SCMH1: variants seen among roughly 807,000 people sequenced by gnomAD.
SCMH1 encodes the protein polycomb protein SCMH1.
A neutral mutation model predicts 70.8 loss-of-function variants in SCMH1; 37 were observed. That is an observed-to-expected ratio of 0.52 (90% CI 0.40 to 0.69). The LOEUF is 0.69. SCMH1 is among the 30% of genes least tolerant of loss of function. The probability of loss-of-function intolerance (pLI) is 0.00; values close to 1 mark genes in which losing one functional copy is unlikely to be tolerated. For missense variants in SCMH1, 607 were observed against 827.3 expected (o/e 0.73, Z 3.27); for synonymous variants, 292 against 307.4 (o/e 0.95, Z 0.52).
intron 6 of SCMH1, among the ~76,000 whole-genome samples, chr1:41,118,173 C>T (rs887537776): frequency 5.3e-5 from 8 of 152,130 alleles, no homozygotes; most frequent in African/African-American, 1.9e-4. Context: ...AAAGGAGAAA[C>T]ACCTCATTAG....
chr1:41,083,258 A>G (rs1660598053), intron 8 of SCMH1, among the ~76,000 whole-genome samples: 2 of 152,240 alleles, frequency 1.3e-5, no homozygotes, highest in African/African-American at 2.4e-5. Flanking sequence ...CCTTAAGCTG[A>G]TAAGCAACTT....
rs1240281456 is a variant in SCMH1 at position 41,228,880 on chromosome 1, A to T, written c.-118+13179T>A. On this transcript the variant is annotated intron_variant, in intron 1 of 14. Transcript: ENST00000337495. ...GAGCAGTTGTAGGCAAAGTGTTCAG[A>T]TGCAACTGCAGTAATTCAGAAGAGA... 2.0e-5 allele frequency among the ~76,000 whole-genome samples: 3 copies of T among 152,242 alleles called. 1 individual carries two copies. The highest frequency in any genetic ancestry group is 4.1e-4 in the South Asian group (2 of 4,832).
Position 41,037,478 on chromosome 1 carries a change from TC to T in SCMH1, c.1561del (p.Asp521ThrfsTer53). On this transcript the variant is annotated frameshift_variant, in exon 13 of 15. Transcript: ENST00000337495. LOFTEE classifies it high-confidence loss of function. ...AAGGTTGGTGGGATTTGAGGCAGAGTCCATTGAGTCTGAGTGTGGTTCCAAG... is the reference window on the plus strand; with the variant it reads ...AAGGTTGGTGGGATTTGAGGCAGAGTCATTGAGTCTGAGTGTGGTTCCAAG... 6.2e-7 allele frequency: 1 copy of T among 1,614,026 alleles called. No homozygotes were observed. Among genetic ancestry groups the T allele is most frequent in the Non-Finnish European group, 8.5e-7 (1 of 1,179,990 alleles).
intron 4 of SCMH1, among the ~76,000 whole-genome samples, chr1:41,158,402 T>A (rs1054783004): frequency 3.9e-5 from 6 of 152,064 alleles, no homozygotes; most frequent in Non-Finnish European, 8.8e-5. Flanking sequence ...GCACCCAGAG[T>A]GCTTGTGGAA....
intron 8 of SCMH1, among the ~76,000 whole-genome samples, chr1:41,111,164 A>T (rs1669154407): frequency 6.6e-6 from 1 of 152,116 alleles, no homozygotes; most frequent in Admixed American, 6.6e-5. Flanking sequence ...GTGTTCTTTT[A>T]TATTCTGGAT....
At chr1:41,062,895 G>A (rs1340016398) in intron 10 of SCMH1, among the ~76,000 whole-genome samples, 2 of 148,144 alleles carry the variant, frequency 1.4e-5, no homozygotes, top group African/African-American at 5.1e-5. Flanking sequence ...CTCCAGCCTG[G>A]GTGACAGTGT....
At position 41,232,767 on chromosome 1, in the gene SCMH1, T is replaced by C. The variant is rs142885700; in HGVS notation, c.-118+9292A>G. On this transcript the variant is annotated intron_variant, in intron 1 of 14. Coordinates refer to ENST00000337495, the Ensembl canonical transcript of SCMH1. ...TTCCCTTTTTTAGTACAGTACATTA[T>C]ATAGAGTAGGTCTGCTTTAAATACA... 4.3e-4 allele frequency among the ~76,000 whole-genome samples: 65 copies of C among 152,350 alleles called. 1 individual carries two copies. The East Asian group carries it at 0.012, about 29-fold the overall frequency.
At chr1:41,084,570 G>A (rs996637323) in intron 8 of SCMH1, among the ~76,000 whole-genome samples, 3 of 152,008 alleles carry the variant, frequency 2.0e-5, no homozygotes, top group African/African-American at 4.8e-5. Context: ...TCAGTGTGGC[G>A]ATTCCTCAGG....
intron 8 of SCMH1, among the ~76,000 whole-genome samples, chr1:41,091,167 T>C (rs7413800): frequency 0.85 from 129,142 of 152,120 alleles, 55,306 homozygotes; most frequent in East Asian, 0.96. Context: ...TCCAGCAGCA[T>C]GTCAAAAAGC....
chr1:41,203,164 A>G (rs570546137), intron 1 of SCMH1, among the ~76,000 whole-genome samples: 1 of 152,220 alleles, frequency 6.6e-6, no homozygotes, highest in African/African-American at 2.4e-5. Context: ...TCTGGTATAC[A>G]TTTACACTTA....
At chr1:41,234,365 T>C (rs1661896544) in intron 1 of SCMH1, among the ~76,000 whole-genome samples, 1 of 151,124 alleles carries the variant, frequency 6.6e-6, no homozygotes. Context: ...CCTGTAATCC[T>C]AGCTACTTGG....
At chr1:41,143,208 A>G in intron 5 of SCMH1, 96 bp from the exon 6 acceptor site, 1 of 816,610 alleles carries the variant, frequency 1.2e-6, no homozygotes, top group Non-Finnish European at 2.0e-6. Flanking sequence ...GCCAGGGACA[A>G]CCAACTGAAT....
chr1:41,113,359 G>T lies in SCMH1; in HGVS notation c.669C>A (p.Arg223=), dbSNP rs752540812. 3 of 1,614,068 alleles carry T rather than the reference G, an allele frequency of 1.9e-6. No homozygotes were observed. The South Asian group carries it at 3.3e-5, about 18-fold the overall frequency. ...CAGGGAAGATGTCTCGGGAGTCGAA[G>T]CGGCACCAGTAGTCAAAGGCCCCTC... Residue 223 remains arginine, a synonymous_variant, in exon 8 of 15, where the codon CGC becomes CGA. Transcript: ENST00000337495. The surrounding 1 kb of genome is among the most constrained non-coding windows in gnomAD (Gnocchi z 4.3).
intron 1 of SCMH1, among the ~76,000 whole-genome samples, chr1:41,232,943 C>T (rs1052274591): frequency 1.3e-5 from 2 of 152,160 alleles, no homozygotes; most frequent in Non-Finnish European, 2.9e-5. Context: ...GGCAGCCCCT[C>T]AAATGTTTGA....
In SCMH1 at chr1:41,140,952, T is replaced by C. The variant is rs565678191; in HGVS notation, c.412+1926A>G. On this transcript the variant is annotated intron_variant, in intron 6 of 14. Coordinates refer to ENST00000337495, the Ensembl canonical transcript of SCMH1. ...TGGAGTGAAACACAACAAATATGTA[T>C]GAAGTTTTGAGCTTATGATACTAAG... Among the ~76,000 whole-genome samples, 138 of 152,332 alleles carry C rather than the reference T, an allele frequency of 9.1e-4. 3 individuals carry two copies. The highest frequency in any genetic ancestry group is 3.3e-3 in the African/African-American group (136 of 41,588).
chr1:41,157,481 AG>A (rs1187359981), intron 4 of SCMH1, among the ~76,000 whole-genome samples: 1 of 152,248 alleles, frequency 6.6e-6, no homozygotes, highest in East Asian at 1.9e-4. Context: ...ATCTAGAGAA[AG>A]TGTTCTTTTC....
intron 13 of SCMH1, among the ~76,000 whole-genome samples, chr1:41,031,303 A>T (rs1433357262): frequency 1.3e-5 from 2 of 152,020 alleles, no homozygotes; most frequent in African/African-American, 2.4e-5. Context: ...AACAAACAAT[A>T]AACAAACAAC....
At chr1:41,156,487 G>A (rs537419399) in intron 4 of SCMH1, among the ~76,000 whole-genome samples, 8 of 152,226 alleles carry the variant, frequency 5.3e-5, no homozygotes, top group Admixed American at 1.3e-4. Context: ...GTGTCAGGCT[G>A]GAGTACAGTG....
At chr1:41,132,158 C>T (rs1434948216) in intron 6 of SCMH1, among the ~76,000 whole-genome samples, 1 of 152,016 alleles carries the variant, frequency 6.6e-6, no homozygotes, top group African/African-American at 2.4e-5. Flanking sequence ...ATTTACATAC[C>T]CACCAACAGT....
Sources: allele counts gnomAD v4.1 joint callset (sites outside exome capture counted in the v4.1 genomes callset), GRCh38; gene constraint gnomAD v4.1.1; non-coding constraint Gnocchi (gnomAD v3.1); transcripts MANE v1.5; gene names NCBI Gene and HGNC (gene_info 2026-07-23, HGNC 2026-07-21).